HS1BP3: variants seen among roughly 807,000 people sequenced by gnomAD.
HS1BP3 encodes HCLS1-binding protein 3.
Under a neutral mutation model 33.5 loss-of-function variants are expected in HS1BP3, and 32 were observed. The observed-to-expected ratio is 0.95, with a 90% CI of 0.72 to 1.28. The LOEUF is 1.28. Ranked by LOEUF, HS1BP3 falls within the 50% of genes most tolerant of loss-of-function variation. HS1BP3 has a pLI of 0.00. For missense variants in HS1BP3, 486 were observed against 502.3 expected, an observed-to-expected ratio of 0.97 and a Z score of 0.31; for synonymous variants, 187 against 209.2, an observed-to-expected ratio of 0.89 and a Z score of 0.92.
chr2:20,576,017 G>A lies in HS1BP3; in HGVS notation c.303-15502C>T, dbSNP rs551530192. Among the ~76,000 whole-genome samples the A allele has an allele frequency of 2.6e-5, 4 of 152,192 alleles. No homozygotes were observed. The East Asian group carries it at 7.7e-4, about 29-fold the overall frequency. ...GTTTTGTTTTGTTTTTTGAGACAGG[G>A]TCTTGTTCTCTCCCAGGCTGGAGTG... On this transcript the variant is annotated intron_variant, in intron 5 of 5. Coordinates refer to the HS1BP3 transcript ENST00000446825.
At chr2:20,609,835 C>T (rs1044602073) in intron 2 of HS1BP3, among the ~76,000 whole-genome samples, 2 of 152,196 alleles carry the variant, frequency 1.3e-5, no homozygotes, top group African/African-American at 2.4e-5. Flanking sequence ...AGGGTGCCCC[C>T]AGCCCCTTGA....
chr2:20,624,975 C>T, intron 4 of HS1BP3, 83 bp from the exon 5 acceptor site: 2 of 1,511,530 alleles, frequency 1.3e-6, no homozygotes, highest in Non-Finnish European at 1.8e-6. Context: ...AGGCGCTGGG[C>T]CCTGCAGTGG....
chr2:20,648,692 C>A (rs879454609), intron 1 of HS1BP3, among the ~76,000 whole-genome samples: 3 of 152,204 alleles, frequency 2.0e-5, no homozygotes, highest in African/African-American at 7.2e-5. Context: ...ATTTCCGAGC[C>A]AATGGCTCCC....
At chr2:20,629,936 C>T (rs919897099) in intron 4 of HS1BP3, among the ~76,000 whole-genome samples, 7 of 152,368 alleles carry the variant, frequency 4.6e-5, no homozygotes, top group Admixed American at 2.0e-4. Flanking sequence ...GAGCATCCAC[C>T]ACTCTGGCCA....
chr2:20,599,008 G>A (rs1479882348), intron 2 of HS1BP3, among the ~76,000 whole-genome samples: 1 of 152,224 alleles, frequency 6.6e-6, no homozygotes, highest in African/African-American at 2.4e-5. Flanking sequence ...GGGCAGTGGG[G>A]AGTGGGGGGA....
intron 6 of HS1BP3, among the ~76,000 whole-genome samples, chr2:20,619,736 C>T (rs1446473227): frequency 2.6e-5 from 4 of 152,240 alleles, no homozygotes; most frequent in Non-Finnish European, 4.4e-5. Context: ...CGAGTGACCT[C>T]GAGGGGATGG....
chr2:20,562,960 C>G (rs1172962326), intron 5 of HS1BP3, among the ~76,000 whole-genome samples: 1 of 152,214 alleles, frequency 6.6e-6, no homozygotes. Flanking sequence ...CCCCAGTACG[C>G]GACACCAGTA....
At chr2:20,626,204 A>C (rs1416765397) in intron 4 of HS1BP3, among the ~76,000 whole-genome samples, 1 of 152,162 alleles carries the variant, frequency 6.6e-6, no homozygotes. Flanking sequence ...AGGTCCCCGC[A>C]AGGTGACCAT....
chr2:20,557,315 C>G (rs553089445), downstream of HS1BP3, among the ~76,000 whole-genome samples: 1 of 152,176 alleles, frequency 6.6e-6, no homozygotes, highest in Non-Finnish European at 1.5e-5. Flanking sequence ...AGACAAAGAC[C>G]TGTATTTTCC....
intron 4 of HS1BP3, among the ~76,000 whole-genome samples, chr2:20,629,138 C>T (rs1192500150): frequency 6.6e-6 from 1 of 152,182 alleles, no homozygotes; most frequent in Non-Finnish European, 1.5e-5. Context: ...GGTTTCTGAT[C>T]TCAGTGAGGG....
At chr2:20,558,852 G>A (rs180894720), downstream of HS1BP3, among the ~76,000 whole-genome samples, 313 of 152,312 alleles carry the variant, frequency 2.1e-3, 4 homozygotes, top group Non-Finnish European at 2.9e-3. Flanking sequence ...GTAGGGCCTG[G>A]CTGGGTGGGC....
intron 2 of HS1BP3, among the ~76,000 whole-genome samples, chr2:20,607,562 C>T (rs960737449): frequency 3.3e-5 from 5 of 152,220 alleles, no homozygotes; most frequent in South Asian, 2.1e-4. Context: ...AAGTGCCACA[C>T]GTGTATGAGT....
chr2:20,566,461 C>T (rs1457748120), intron 5 of HS1BP3, among the ~76,000 whole-genome samples: 1 of 152,214 alleles, frequency 6.6e-6, no homozygotes, highest in African/African-American at 2.4e-5. Flanking sequence ...TGTTCCCTGG[C>T]TCTCTGGTCA....
chr2:20,638,812 G>A (rs546089067), intron 3 of HS1BP3, among the ~76,000 whole-genome samples, 160 bp from the exon 4 acceptor site: 2 of 152,338 alleles, frequency 1.3e-5, no homozygotes, highest in South Asian at 2.1e-4. Context: ...GCAGGATGGC[G>A]AGTCTGGGTG....
At chr2:20,610,149 G>A (rs1233797639) in intron 2 of HS1BP3, among the ~76,000 whole-genome samples, 4 of 152,008 alleles carry the variant, frequency 2.6e-5, no homozygotes, top group Non-Finnish European at 5.9e-5. Context: ...GCACAGCCTC[G>A]CCCACCAGCA....
chr2:20,598,111 ATG>A (rs1693985031), intron 3 of HS1BP3: 1 of 165,480 alleles, frequency 6.0e-6, no homozygotes, highest in Non-Finnish European at 1.4e-5. Flanking sequence ...AGATGGAGGG[ATG>A]GTTTCGGGAT....
chr2:20,587,351 A>G (rs1254519670), intron 5 of HS1BP3, among the ~76,000 whole-genome samples: 1 of 152,222 alleles, frequency 6.6e-6, no homozygotes, highest in Non-Finnish European at 1.5e-5. Context: ...ATAGCTACAT[A>G]GAAACATGAT....
chr2:20,554,115 C>T, the HS1BP3 span, among the ~76,000 whole-genome samples: 1 of 152,124 alleles, frequency 6.6e-6, no homozygotes. Flanking sequence ...TTAGGACTCC[C>T]AAGTCTTATA....
At chr2:20,647,210 C>T (rs781256138) in intron 1 of HS1BP3, among the ~76,000 whole-genome samples, 4 of 152,152 alleles carry the variant, frequency 2.6e-5, no homozygotes, top group Non-Finnish European at 4.4e-5. Flanking sequence ...TCTCTGACCA[C>T]GCCAGAACCC....
Sources: allele counts gnomAD v4.1 joint callset (sites outside exome capture counted in the v4.1 genomes callset), GRCh38; gene constraint gnomAD v4.1.1; transcripts MANE v1.5; gene names NCBI Gene and HGNC (gene_info 2026-07-23, HGNC 2026-07-21).